The following TRMT9B variants were observed in gnomAD, a reference collection of about 807,000 sequenced individuals.
TRMT9B encodes tRNA methyltransferase 9B (putative).
A neutral mutation model predicts 11.5 loss-of-function variants in TRMT9B; 16 were observed. That is an observed-to-expected ratio of 1.39 (90% CI 0.94 to 2.11). The LOEUF (loss-of-function observed/expected upper bound fraction) is 2.11, where lower values mean the gene tolerates loss of function less well. TRMT9B is among the 30% of genes most tolerant of loss of function. The pLI, the probability that TRMT9B is intolerant of heterozygous loss-of-function variation, is 0.00. For missense variants in TRMT9B, 941 were observed against 553.8 expected, an observed-to-expected ratio of 1.70 and a Z score of -7.02; for synonymous variants, 274 against 192.4, an observed-to-expected ratio of 1.42 and a Z score of -3.51.
At chr8:12,949,363 A>AT (rs1281775291) in intron 1 of TRMT9B, among the ~76,000 whole-genome samples, 1 of 152,156 alleles carries the variant, frequency 6.6e-6, no homozygotes, top group Non-Finnish European at 1.5e-5. Flanking sequence ...TTTGACAGTC[A>AT]TTTTTTATCC....
chr8:12,968,171 C>A (rs1231598666), intron 1 of TRMT9B, among the ~76,000 whole-genome samples: 3 of 152,194 alleles, frequency 2.0e-5, no homozygotes, highest in Non-Finnish European at 4.4e-5. Context: ...AGACATGAGC[C>A]ACCACCTGGC....
At chr8:12,946,564 C>G (rs1003361521) in intron 1 of TRMT9B, among the ~76,000 whole-genome samples, 2 of 151,990 alleles carry the variant, frequency 1.3e-5, no homozygotes, top group Non-Finnish European at 2.9e-5. Context: ...TTGATGTCAC[C>G]CTGGTGGAGA....
intron 2 of TRMT9B, among the ~76,000 whole-genome samples, chr8:12,997,213 T>C (rs1412315065): frequency 6.6e-6 from 1 of 152,038 alleles, no homozygotes; most frequent in Non-Finnish European, 1.5e-5. Flanking sequence ...GTTCGGGTTA[T>C]GGTGGTGGAT....
intron 1 of TRMT9B, among the ~76,000 whole-genome samples, chr8:12,983,289 G>A (rs1045808984): frequency 6.6e-6 from 1 of 151,740 alleles, no homozygotes; most frequent in African/African-American, 2.4e-5. Flanking sequence ...AAGAAATCAT[G>A]TCAGTTTATA....
intron 4 of TRMT9B, among the ~76,000 whole-genome samples, chr8:13,019,839 G>A (rs878981073): frequency 2.0e-5 from 3 of 152,192 alleles, no homozygotes; most frequent in Admixed American, 2.0e-4. Flanking sequence ...GAAAGTTCTA[G>A]CAGAATGAAA....
chr8:12,948,309 G>C lies in TRMT9B; in HGVS notation c.-200+2343G>C, dbSNP rs1330118681. On this transcript the variant is annotated intron_variant, in intron 1 of 4. Transcript: ENST00000524591. ...AAAATGAAAGACAATGGTTGTATGA[G>C]TACTAGAAGTATAACTTCTTGTGAA... 3.3e-5 allele frequency among the ~76,000 whole-genome samples: 5 copies of C among 151,554 alleles called. No individual in the cohort carries two copies. The East Asian group carries it at 9.7e-4, about 29-fold the overall frequency.
intron 1 of TRMT9B, chr8:12,952,260 C>G (rs1452645141): frequency 9.6e-6 from 4 of 414,782 alleles, no homozygotes; most frequent in Admixed American, 5.2e-5. Context: ...TCTGTTGCGC[C>G]CTAGATCCGC....
At chr8:12,992,301 T>C (rs1370215026) in intron 2 of TRMT9B, among the ~76,000 whole-genome samples, 1 of 151,806 alleles carries the variant, frequency 6.6e-6, no homozygotes, top group Non-Finnish European at 1.5e-5. Flanking sequence ...GAGTTGAGAG[T>C]TCATGACAGT....
At chr8:12,989,950 A>G (rs559444242) in intron 1 of TRMT9B, among the ~76,000 whole-genome samples, 3 of 152,326 alleles carry the variant, frequency 2.0e-5, no homozygotes, top group Non-Finnish European at 4.4e-5. Context: ...ACTAGAGAGA[A>G]GTTTTCCAAA....
intron 4 of TRMT9B, among the ~76,000 whole-genome samples, chr8:13,014,696 A>C (rs374171798): frequency 6.6e-6 from 1 of 152,188 alleles, no homozygotes; most frequent in African/African-American, 2.4e-5. Context: ...AAGCAACACT[A>C]TACAATGCTT....
intron 2 of TRMT9B, among the ~76,000 whole-genome samples, chr8:12,991,937 C>G (rs1807413798): frequency 6.6e-6 from 1 of 152,036 alleles, no homozygotes; most frequent in Non-Finnish European, 1.5e-5. Context: ...GTCTCAAAAA[C>G]AACAACAACA....
At chr8:12,980,430 G>A (rs1424990593) in intron 1 of TRMT9B, among the ~76,000 whole-genome samples, 1 of 152,030 alleles carries the variant, frequency 6.6e-6, no homozygotes, top group Non-Finnish European at 1.5e-5. Flanking sequence ...CATATTCCCA[G>A]GTTCCAGAGG....
At chr8:12,984,248 A>G (rs1295030415) in intron 1 of TRMT9B, among the ~76,000 whole-genome samples, 7 of 152,242 alleles carry the variant, frequency 4.6e-5, no homozygotes, top group African/African-American at 1.4e-4. Flanking sequence ...CATTCTGTCT[A>G]TGCAAATCTT....
chr8:13,021,307 A>G lies in TRMT9B; in HGVS notation c.628A>G (p.Lys210Glu). Reference sequence around the variant, plus strand: ...TTGTTTTAAAGAGCAGTGTGGTTCAAAACGGTCCCACAGCGTGGGCTATGA... The same window carrying G: ...TTGTTTTAAAGAGCAGTGTGGTTCAGAACGGTCCCACAGCGTGGGCTATGA... ...SVCFKEQCGSKRSHSVGYEPA... is the reference protein window; with the variant it reads ...SVCFKEQCGSERSHSVGYEPA... The change falls in exon 5 of 5, where the codon AAA becomes GAA. Residue 210 changes from lysine to glutamate, a missense_variant. Transcript: ENST00000524591. The G allele has an allele frequency of 6.2e-7, 1 of 1,614,056 alleles. No homozygotes were observed. Among genetic ancestry groups the G allele is most frequent in the Non-Finnish European group, 8.5e-7 (1 of 1,179,904 alleles).
Position 13,028,373 on chromosome 8 carries a change from A to G in TRMT9B, c.*6329A>G, listed in dbSNP as rs1291979529. 6.0e-6 allele frequency: 1 copy of G among 167,056 alleles called. No individual in the cohort carries two copies. The allele number at this position is 167,056 out of a possible 1,614,324, so 10.3% of individuals were successfully genotyped here. A position where few individuals can be genotyped will look rare whatever the true frequency, so the allele number is the denominator to read the frequency against. On this transcript the variant is annotated 3_prime_UTR_variant, in exon 5 of 5. Coordinates refer to ENST00000524591, the MANE Select transcript of TRMT9B (RefSeq NM_020844.3). The stretch of plus-strand genomic sequence containing the variant: ...TTTACTCCAACCCAATTAATCATTA[A>G]TACATCCACAGGAAAAATACATTTT...
At chr8:13,020,949 A>T (rs1297129805) in intron 4 of TRMT9B, 59 bp from the exon 5 acceptor site, 1 of 1,149,574 alleles carries the variant, frequency 8.7e-7, no homozygotes, top group Non-Finnish European at 1.2e-6. Flanking sequence ...ACACCAGTGT[A>T]TACGTGTGTG....
At chr8:12,984,470 T>C (rs919620029) in intron 1 of TRMT9B, among the ~76,000 whole-genome samples, 3 of 152,204 alleles carry the variant, frequency 2.0e-5, no homozygotes, top group Non-Finnish European at 4.4e-5. Flanking sequence ...TTAAAAGCTC[T>C]TTCTTGAGCA....
At position 13,012,692 on chromosome 8, in the gene TRMT9B, A is replaced by G. The variant is rs780990592; in HGVS notation, c.163A>G (p.Thr55Ala). 1.7e-5 allele frequency: 28 copies of G among 1,612,734 alleles called. No homozygotes were observed. The East Asian group carries it at 5.3e-4, about 31-fold the overall frequency. Residue 55 changes from threonine (T) to alanine (A), a missense_variant, in exon 4 of 5, where the codon ACT (threonine) becomes GCT (alanine). Transcript: ENST00000524591. ...AGGTTTTTCTCTTATAGGTTGTGGG[A>G]CTGGAAAATATCTTAAAGTGAACAG... Reference protein sequence around the residue: ...GSLIADIGCGTGKYLKVNSQV... With the variant: ...GSLIADIGCGAGKYLKVNSQV...
chr8:13,029,290 T>A lies in TRMT9B; in HGVS notation c.*7246T>A, dbSNP rs998843674. On this transcript the variant is annotated 3_prime_UTR_variant, in exon 5 of 5. Transcript: ENST00000524591. The stretch of plus-strand genomic sequence containing the variant: ...GTATTTGGGTCAAAAGTGCAAAAAC[T>A]TTTTTCTACAATGTACAGTTATTTT... The A allele has an allele frequency of 6.0e-6, 1 of 166,998 alleles. No homozygotes were observed. 10.3% of individuals were successfully genotyped at this position (166,998 alleles called of 1,614,324 possible). A position where few individuals can be genotyped will look rare whatever the true frequency, so the allele number is the denominator to read the frequency against.
Sources: gnomAD v4.1 joint callset for allele counts (sites outside exome capture counted in the v4.1 genomes callset) on GRCh38, gnomAD v4.1.1 for gene constraint, MANE v1.5 for transcripts, NCBI Gene and HGNC (gene_info 2026-07-23, HGNC 2026-07-21) for gene names.